KCNQ1OT1: variants seen among roughly 807,000 people sequenced by gnomAD.
The protein encoded by KCNQ1OT1 is KCNQ1 antisense RNA 2 (non-protein coding).
rs1243106101 is a variant in KCNQ1OT1, at chr11:2,647,862, T to C, written n.52133A>G. ...GTCTCCTTTTTCATTTCTGATTTTA[T>C]TTATTGGGTCTTCTTGGTTAGTCTA... On this transcript the variant is annotated non_coding_transcript_exon_variant, in exon 1 of 1. Transcript: ENST00000597346. This position sits in a 1 kb window ranked among gnomAD's most constrained non-coding sequence, Gnocchi z 4.0. 5.0e-6 allele frequency: 2 copies of C among 398,438 alleles called. No homozygotes were observed. Among genetic ancestry groups the C allele is most frequent in the Non-Finnish European group, 8.8e-6 (2 of 226,060 alleles). 24.7% of individuals were successfully genotyped at this position (398,438 alleles called of 1,614,324 possible).
exon 1 of KCNQ1OT1, chr11:2,641,284 TAA>T: frequency 2.5e-6 from 1 of 398,460 alleles, no homozygotes; most frequent in Non-Finnish European, 4.4e-6. Flanking sequence ...CAACAGTGTA[TAA>T]GAGTTCCCTC....
chr11:2,655,214 A>G, exon 1 of KCNQ1OT1: 1 of 398,660 alleles, frequency 2.5e-6, no homozygotes, highest in Non-Finnish European at 4.4e-6. Flanking sequence ...CAGCTGGGGT[A>G]GTCGCCACGC....
At position 2,658,547 on chromosome 11, in the gene KCNQ1OT1, C is replaced by T; in HGVS notation, n.41448G>A. 2.6e-6 allele frequency: 1 copy of T among 391,740 alleles called. No individual in the cohort carries two copies. The highest frequency in any genetic ancestry group is 4.5e-6 in the Non-Finnish European group (1 of 224,194). The allele number at this position is 391,740 out of a possible 1,614,324, so 24.3% of individuals were successfully genotyped here. On this transcript the variant is annotated non_coding_transcript_exon_variant, in exon 1 of 1. Coordinates refer to ENST00000597346, the Ensembl canonical transcript of KCNQ1OT1. This position sits in a 1 kb window ranked among gnomAD's most constrained non-coding sequence, Gnocchi z 4.9. Reference sequence around the variant, plus strand: ...AGGCTCATCTTTTATTTTCCCTACCCTAGCCCTAGAATCATCCATTCATCC... The same window carrying T: ...AGGCTCATCTTTTATTTTCCCTACCTTAGCCCTAGAATCATCCATTCATCC...
chr11:2,629,131 A>AC, exon 1 of KCNQ1OT1: 1 of 398,274 alleles, frequency 2.5e-6, no homozygotes. Context: ...TGTGAAAAAA[A>AC]GTCACTGGAA....
chr11:2,699,877 C>CG (rs1850763672), exon 1 of KCNQ1OT1: 1 of 396,564 alleles, frequency 2.5e-6, no homozygotes, highest in African/African-American at 2.1e-5. Flanking sequence ...TGCTGAGGAG[C>CG]CCCGGGGAGG....
exon 1 of KCNQ1OT1, chr11:2,688,326 C>T (rs1850527490): frequency 2.5e-6 from 1 of 398,824 alleles, no homozygotes; most frequent in East Asian, 3.6e-5. Flanking sequence ...GTCACACACA[C>T]AGCTTCCATG....
At position 2,647,219 on chromosome 11, in the gene KCNQ1OT1, CTATT is replaced by C. The variant is rs1336684727; in HGVS notation, n.52772_52775del. The C allele has an allele frequency of 5.0e-6, 2 of 398,106 alleles. No homozygotes were observed. The highest frequency in any genetic ancestry group is 8.8e-6 in the Non-Finnish European group (2 of 226,002). 24.7% of individuals were successfully genotyped at this position (398,106 alleles called of 1,614,324 possible). On this transcript the variant is annotated non_coding_transcript_exon_variant, in exon 1 of 1. Coordinates refer to ENST00000597346, the Ensembl canonical transcript of KCNQ1OT1. The surrounding 1 kb of genome is among the most constrained non-coding windows in gnomAD (Gnocchi z 4.0). ...ATTTTATCAGATGCTTTTTCTGCAT[CTATT>C]GAGATGATCATGTATTTTTTTGTCC...
chr11:2,610,598 T>A (rs1278308914), exon 1 of KCNQ1OT1: 1 of 398,368 alleles, frequency 2.5e-6, no homozygotes, highest in Non-Finnish European at 4.4e-6. Flanking sequence ...GAACTTCCTC[T>A]AGTAGTTCTT....
Position 2,690,919 on chromosome 11 carries a change from C to G in KCNQ1OT1, n.9076G>C. 2 of 398,430 alleles carry G rather than the reference C, an allele frequency of 5.0e-6. No homozygotes were observed. The highest frequency in any genetic ancestry group is 8.8e-6 in the Non-Finnish European group (2 of 226,042). 24.7% of individuals were successfully genotyped at this position (398,430 alleles called of 1,614,324 possible). On this transcript the variant is annotated non_coding_transcript_exon_variant, in exon 1 of 1. Transcript: ENST00000597346. This position sits in a 1 kb window ranked among gnomAD's most constrained non-coding sequence, Gnocchi z 5.1. ...GGGTTTTGTCATGTGTAGGTCCCAGCGGCTTTAAGCCAACCTGAAAGGTTC... is the reference window on the plus strand; with the variant it reads ...GGGTTTTGTCATGTGTAGGTCCCAGGGGCTTTAAGCCAACCTGAAAGGTTC...
In KCNQ1OT1 at chr11:2,677,720, CTA is replaced by C. The variant is rs1850318609; in HGVS notation, n.22273_22274del. 2.5e-6 allele frequency: 1 copy of C among 398,392 alleles called. No individual in the cohort carries two copies. Among genetic ancestry groups the C allele is most frequent in the Admixed American group, 4.4e-5 (1 of 22,708 alleles). 24.7% of individuals were successfully genotyped at this position (398,392 alleles called of 1,614,324 possible). ...AAATTAACTTCCCAATCAAATATCT[CTA>C]TTGTAAAATTTTGGTCTCCGTTTTC... On this transcript the variant is annotated non_coding_transcript_exon_variant, in exon 1 of 1. Coordinates refer to ENST00000597346, the Ensembl canonical transcript of KCNQ1OT1. The surrounding 1 kb of genome is among the most constrained non-coding windows in gnomAD (Gnocchi z 4.5).
exon 1 of KCNQ1OT1, chr11:2,686,684 G>A: frequency 2.5e-6 from 1 of 398,646 alleles, no homozygotes; most frequent in Non-Finnish European, 4.4e-6. Context: ...CCAGTTGGAT[G>A]ACAAACCCAT....
At chr11:2,686,655 G>A (rs954981412) in exon 1 of KCNQ1OT1, 9 of 398,420 alleles carry the variant, frequency 2.3e-5, no homozygotes, top group East Asian at 2.1e-4. Context: ...GAGCATGGCC[G>A]CTGGATCAAG....
At chr11:2,662,098 G>A (rs199795287) in exon 1 of KCNQ1OT1, 1 of 1,614,144 alleles carries the variant, frequency 6.2e-7, no homozygotes, top group South Asian at 1.1e-5. Context: ...GCCTACATGT[G>A]CGTGAAGGGC....
chr11:2,666,765 T>C, exon 1 of KCNQ1OT1: 1 of 398,758 alleles, frequency 2.5e-6, no homozygotes, highest in Non-Finnish European at 4.4e-6. Flanking sequence ...TCTGTGAGTG[T>C]CTAAGCTCCT....
exon 1 of KCNQ1OT1, chr11:2,634,223 G>C: frequency 2.5e-6 from 1 of 393,196 alleles, no homozygotes; most frequent in Admixed American, 4.5e-5. Context: ...ACAACGTGCA[G>C]GTTTGTTACA....
rs1461126036 is a variant in KCNQ1OT1 at position 2,626,451 on chromosome 11, T to G, written n.73544A>C. ...TGTATACAAGGGTTTATTTTTGGGC[T>G]CTCTATTCAATTCCATTGGTCTCTA... On this transcript the variant is annotated non_coding_transcript_exon_variant, in exon 1 of 1. Transcript: ENST00000597346. The surrounding 1 kb of genome is among the most constrained non-coding windows in gnomAD (Gnocchi z 4.0). 2.5e-6 allele frequency: 1 copy of G among 398,532 alleles called. No individual in the cohort carries two copies. The highest frequency in any genetic ancestry group is 4.4e-6 in the Non-Finnish European group (1 of 226,080). 24.7% of individuals were successfully genotyped at this position (398,532 alleles called of 1,614,324 possible). A position where few individuals can be genotyped will look rare whatever the true frequency, so the allele number is the denominator to read the frequency against.
chr11:2,687,059 C>T lies in KCNQ1OT1; in HGVS notation n.12936G>A, dbSNP rs772315434. The T allele has an allele frequency of 4.8e-5, 19 of 398,528 alleles. No individual in the cohort carries two copies. The highest frequency in any genetic ancestry group is 3.8e-4 in the South Asian group (3 of 7,854). The allele number at this position is 398,528 out of a possible 1,614,324, so 24.7% of individuals were successfully genotyped here. ...CAGTCCCAGCTCTGGGGGACAAGGA[C>T]CCACAAAGTGATGCAAGATATCCTG... is the stretch of plus-strand genomic sequence containing the variant. On this transcript the variant is annotated non_coding_transcript_exon_variant, in exon 1 of 1. Transcript: ENST00000597346. The surrounding 1 kb of genome is among the most constrained non-coding windows in gnomAD (Gnocchi z 5.0).
chr11:2,630,499 T>G, exon 1 of KCNQ1OT1: 2 of 398,410 alleles, frequency 5.0e-6, no homozygotes, highest in Non-Finnish European at 8.9e-6. Flanking sequence ...CTACATTTTA[T>G]TTTTGATGCC....
At position 2,616,965 on chromosome 11, in the gene KCNQ1OT1, T is replaced by G. The variant is rs114030398; in HGVS notation, n.83030A>C. 0.57 allele frequency: 218,575 copies of G among 386,666 alleles called. 61,174 individuals are homozygous for G. Among genetic ancestry groups the G allele is most frequent in the East Asian group, 0.83 (22,088 of 26,536 alleles). 24.0% of individuals were successfully genotyped at this position (386,666 alleles called of 1,614,324 possible). ...CTGGCTGTACATTATCTTGTTGTGTTTTTTTTTTTTAATTTTAAAAATATG... is the reference window on the plus strand; with the variant it reads ...CTGGCTGTACATTATCTTGTTGTGTGTTTTTTTTTTAATTTTAAAAATATG... On this transcript the variant is annotated non_coding_transcript_exon_variant, in exon 1 of 1. Coordinates refer to ENST00000597346, the Ensembl canonical transcript of KCNQ1OT1.
Sources: gnomAD v4.1 joint callset for allele counts on GRCh38, gnomAD v4.1.1 for gene constraint, Gnocchi (gnomAD v3.1) non-coding constraint, MANE v1.5 for transcripts, NCBI Gene and HGNC (gene_info 2026-07-23, HGNC 2026-07-21) for gene names.